Variants in ATIC observed in about 807,000 individuals in gnomAD.
ATIC encodes bifunctional purine biosynthesis protein ATIC.
In ATIC, 64 loss-of-function variants were observed where a neutral mutation model predicts 72.5. The observed-to-expected ratio is 0.88, with a 90% CI of 0.72 to 1.09. ATIC has a LOEUF of 1.09. Among genes scored for constraint, ATIC ranks in the 50% least tolerant of loss-of-function variants. The pLI, the probability that ATIC is intolerant of heterozygous loss-of-function variation, is 0.00. For missense variants in ATIC, 787 were observed against 732.4 expected, an observed-to-expected ratio of 1.07 and a Z score of -0.86; for synonymous variants, 281 against 267.1, an observed-to-expected ratio of 1.05 and a Z score of -0.51.
the ATIC span, chr2:215,365,802 TTTTA>T: frequency 3.6e-6 from 1 of 279,530 alleles, no homozygotes; most frequent in Non-Finnish European, 5.9e-6. Flanking sequence ...TTTATTTACT[TTTTA>T]TTTTTTTTTT....
Position 215,326,056 on chromosome 2 carries a change from A to G in ATIC, c.449A>G (p.Asp150Gly), listed in dbSNP as rs756349465. The change falls in exon 6 of 16, where the codon GAC (aspartate) becomes GGC (glycine). Residue 150 changes from aspartate (D) to glycine (G), a missense_variant. Coordinates refer to ENST00000236959, the MANE Select transcript of ATIC (RefSeq NM_004044.7). ...GTGACAGTGGTGTGTGAACCAGAGGACTATGTGGTGGTGTCCACGGAGATG... is the reference window on the plus strand; with the variant it reads ...GTGACAGTGGTGTGTGAACCAGAGGGCTATGTGGTGGTGTCCACGGAGATG... ...ARVTVVCEPE[D>G]YVVVSTEMQS... The G allele has an allele frequency of 6.2e-7, 1 of 1,614,112 alleles. No homozygotes were observed. The highest frequency in any genetic ancestry group is 8.5e-7 in the Non-Finnish European group (1 of 1,180,008).
At chr2:215,352,717 T>C (rs887736925), downstream of ATIC, among the ~76,000 whole-genome samples, 1 of 151,842 alleles carries the variant, frequency 6.6e-6, no homozygotes, top group Admixed American at 6.6e-5. Flanking sequence ...TCTCTCCCAA[T>C]GGCTAATTTT....
At chr2:215,350,451 A>C (rs1227843586), downstream of ATIC, among the ~76,000 whole-genome samples, 1 of 152,042 alleles carries the variant, frequency 6.6e-6, no homozygotes, top group African/African-American at 2.4e-5. Flanking sequence ...ATTTATTTTT[A>C]ATCACACTTC....
chr2:215,361,836 G>A, the ATIC span: 7 of 1,263,882 alleles, frequency 5.5e-6, no homozygotes, highest in Non-Finnish European at 7.7e-6. Flanking sequence ...GGAATACAGT[G>A]TTTCACTTAA....
chr2:215,316,592 A>T (rs1308649009), intron 2 of ATIC, among the ~76,000 whole-genome samples: 1 of 152,166 alleles, frequency 6.6e-6, no homozygotes, highest in African/African-American at 2.4e-5. Context: ...ATATATGTTG[A>T]TTGTAGAAAA....
At chr2:215,320,430 G>A (rs2052754369) in intron 4 of ATIC, among the ~76,000 whole-genome samples, 1 of 152,136 alleles carries the variant, frequency 6.6e-6, no homozygotes, top group East Asian at 1.9e-4. Context: ...GAAGTGTGGT[G>A]CCAGCATCAA....
At chr2:215,340,749 G>C (rs1997059) in intron 12 of ATIC, among the ~76,000 whole-genome samples, 39,178 of 152,064 alleles carry the variant, frequency 0.26, 5,996 homozygotes, top group South Asian at 0.47. Context: ...ATCTACTGCT[G>C]TACGCTGAAC....
At chr2:215,319,874 G>A in intron 4 of ATIC, 143 bp downstream of exon 4, 1 of 720,572 alleles carries the variant, frequency 1.4e-6, no homozygotes. Flanking sequence ...TAAGCATTTT[G>A]GTTTGGCCAG....
intron 12 of ATIC, among the ~76,000 whole-genome samples, chr2:215,340,081 C>T (rs1426103116): frequency 1.3e-5 from 2 of 152,138 alleles, no homozygotes; most frequent in Non-Finnish European, 1.5e-5. Flanking sequence ...CGTGGATCTT[C>T]TGATGGATAT....
At chr2:215,344,616 A>T (rs1046895354) in intron 12 of ATIC, among the ~76,000 whole-genome samples, 163 bp from the exon 13 acceptor site, 7 of 152,124 alleles carry the variant, frequency 4.6e-5, no homozygotes, top group African/African-American at 1.4e-4. Context: ...TGGAGGTTAC[A>T]GTGAGCCGAG....
At chr2:215,315,077 G>T (rs549466109) in intron 2 of ATIC, among the ~76,000 whole-genome samples, 8 of 152,236 alleles carry the variant, frequency 5.3e-5, no homozygotes, top group African/African-American at 1.9e-4. Flanking sequence ...AGAAAGCCAG[G>T]AAAGCCTGTC....
At chr2:215,347,112 C>A in intron 14 of ATIC, 171 bp downstream of exon 14, 1 of 886,676 alleles carries the variant, frequency 1.1e-6, no homozygotes, top group African/African-American at 1.7e-5. Flanking sequence ...GTTCTTCTGT[C>A]TCATGTAACT....
chr2:215,345,986 G>A (rs1049290691), intron 13 of ATIC, among the ~76,000 whole-genome samples: 5 of 152,038 alleles, frequency 3.3e-5, no homozygotes, highest in Admixed American at 1.3e-4. Context: ...TAGAAATAGA[G>A]GAAAGAAGGA....
intron 14 of ATIC, 143 bp downstream of exon 14, chr2:215,347,084 T>C: frequency 2.8e-6 from 3 of 1,081,844 alleles, no homozygotes; most frequent in Non-Finnish European, 4.1e-6. Context: ...TCATTGAAAC[T>C]TCTTACACAT....
chr2:215,324,641 G>A (rs557529332), intron 4 of ATIC, among the ~76,000 whole-genome samples: 7 of 152,148 alleles, frequency 4.6e-5, no homozygotes, highest in Non-Finnish European at 8.8e-5. Context: ...AGAGCTCCTC[G>A]CACTACAGGC....
intron 5 of ATIC, 67 bp downstream of exon 5, chr2:215,325,396 T>A: frequency 8.1e-7 from 1 of 1,238,720 alleles, no homozygotes; most frequent in Non-Finnish European, 1.2e-6. Flanking sequence ...TGAGATTTCA[T>A]TTTGAATTTT....
intron 13 of ATIC, chr2:215,345,143 G>A (rs2053059011): frequency 2.1e-6 from 1 of 479,944 alleles, no homozygotes; most frequent in East Asian, 3.9e-5. Flanking sequence ...TCTAATAGCT[G>A]TTACAAAACT....
chr2:215,356,161 C>T, the ATIC span, among the ~76,000 whole-genome samples: 3 of 152,278 alleles, frequency 2.0e-5, no homozygotes, highest in South Asian at 4.1e-4. Flanking sequence ...CAAAATATTG[C>T]GGGCACTTAA....
chr2:215,362,118 A>C, the ATIC span: 1 of 1,462,082 alleles, frequency 6.8e-7, no homozygotes, highest in Non-Finnish European at 9.6e-7. Context: ...GGGGTTTATG[A>C]TAACCTGAGG....
Sources: allele counts gnomAD v4.1 joint callset (sites outside exome capture counted in the v4.1 genomes callset), GRCh38; gene constraint gnomAD v4.1.1; transcripts MANE v1.5; gene names NCBI Gene and HGNC (gene_info 2026-07-23, HGNC 2026-07-21).